TRIM9: variants seen among roughly 807,000 people sequenced by gnomAD.
TRIM9 encodes tripartite motif containing 9.
Under a neutral mutation model 78.3 loss-of-function variants are expected in TRIM9, and 26 were observed. That is an observed-to-expected ratio of 0.33 (90% CI 0.24 to 0.46). The LOEUF (loss-of-function observed/expected upper bound fraction) is 0.46, where lower values mean the gene tolerates loss of function less well. Among genes scored for constraint, TRIM9 ranks in the 20% least tolerant of loss-of-function variants. The pLI is 1.00. For missense variants in TRIM9, 787 were observed against 1,036.4 expected (o/e 0.76, Z 3.30); for synonymous variants, 398 against 416.5 (o/e 0.96, Z 0.54).
intron 3 of TRIM9, among the ~76,000 whole-genome samples, chr14:51,012,595 A>G (rs2056706077): frequency 6.6e-6 from 1 of 152,206 alleles, no homozygotes; most frequent in Non-Finnish European, 1.5e-5. Context: ...TTGCTGGATC[A>G]TGTGGCAATG....
intron 1 of TRIM9, among the ~76,000 whole-genome samples, chr14:51,087,504 A>G (rs974517668): frequency 1.3e-5 from 2 of 152,206 alleles, no homozygotes; most frequent in Non-Finnish European, 2.9e-5. Flanking sequence ...GGCCCAGTTT[A>G]GGGTTGTGAG....
chr14:51,061,229 C>T (rs1341239235), intron 1 of TRIM9, among the ~76,000 whole-genome samples: 1 of 151,760 alleles, frequency 6.6e-6, no homozygotes, highest in Non-Finnish European at 1.5e-5. Flanking sequence ...CCTGGCCAAC[C>T]TAGTGAAACC....
chr14:50,979,282 C>A, intron 12 of TRIM9, 105 bp downstream of exon 12: 3 of 1,595,568 alleles, frequency 1.9e-6, no homozygotes, highest in Non-Finnish European at 2.6e-6. Flanking sequence ...TGGTCTGGGC[C>A]TTACGCTGTC....
chr14:51,048,740 T>C (rs2060148381), intron 1 of TRIM9, among the ~76,000 whole-genome samples: 2 of 151,954 alleles, frequency 1.3e-5, no homozygotes, highest in Admixed American at 1.3e-4. Flanking sequence ...ATCCCAGCAC[T>C]TTGGAAGGCC....
intron 1 of TRIM9, among the ~76,000 whole-genome samples, chr14:51,065,305 G>A (rs2061647888): frequency 6.6e-6 from 1 of 152,216 alleles, no homozygotes; most frequent in African/African-American, 2.4e-5. Context: ...AAAAACTGGT[G>A]TTGAGTACAT....
chr14:51,061,335 C>T (rs979620786), intron 1 of TRIM9, among the ~76,000 whole-genome samples: 3 of 151,420 alleles, frequency 2.0e-5, no homozygotes, highest in Non-Finnish European at 2.9e-5. Context: ...ATCACTTGAA[C>T]CCAGGAGGCG....
At chr14:50,997,489 T>C in intron 7 of TRIM9, 1 of 985,726 alleles carries the variant, frequency 1.0e-6, no homozygotes, top group South Asian at 4.7e-5. Context: ...GCCTCCGCTT[T>C]GGGTATGAAA....
chr14:51,077,188 C>A (rs1197281215), intron 1 of TRIM9, among the ~76,000 whole-genome samples: 2 of 152,152 alleles, frequency 1.3e-5, no homozygotes, highest in South Asian at 2.1e-4. Context: ...AGTTGGCCAA[C>A]AAGCACTGAT....
chr14:51,045,910 A>G (rs940752473), intron 1 of TRIM9, among the ~76,000 whole-genome samples: 26 of 152,326 alleles, frequency 1.7e-4, no homozygotes, highest in Admixed American at 8.5e-4. Context: ...AAATCCAGGA[A>G]TCAACTTCAA....
intron 1 of TRIM9, among the ~76,000 whole-genome samples, chr14:51,073,500 G>T (rs76655218): frequency 6.6e-6 from 1 of 152,190 alleles, no homozygotes; most frequent in Non-Finnish European, 1.5e-5. Context: ...AACAATATAA[G>T]TGGATCCAAA....
At chr14:51,088,294 C>G (rs368621771) in intron 1 of TRIM9, among the ~76,000 whole-genome samples, 2 of 152,096 alleles carry the variant, frequency 1.3e-5, no homozygotes, top group Admixed American at 1.3e-4. Context: ...CAAAGTTAGA[C>G]AAATTTGGAA....
intron 1 of TRIM9, among the ~76,000 whole-genome samples, chr14:51,061,932 G>A (rs1046084809): frequency 4.6e-5 from 7 of 152,086 alleles, no homozygotes; most frequent in Non-Finnish European, 1.0e-4. Context: ...ATGTATGTTA[G>A]GCCATATGAT....
At chr14:51,018,139 G>A (rs190097405) in intron 3 of TRIM9, among the ~76,000 whole-genome samples, 57 of 152,284 alleles carry the variant, frequency 3.7e-4, no homozygotes, top group Non-Finnish European at 6.8e-4. Flanking sequence ...GAATAACTGA[G>A]TTCTTTGTCA....
rs370697124 is a variant in TRIM9, at chr14:51,021,633, T to G, written c.1041+1202A>C. On this transcript the variant is annotated intron_variant, in intron 3 of 12. Transcript: ENST00000684578. ...CATTTCTCCCTTCATCCTAATGCCA[T>G]ATCAACACTGCACACCACATACCCA... is the stretch of plus-strand genomic sequence containing the variant. 3.3e-4 allele frequency among the ~76,000 whole-genome samples: 51 copies of G among 152,304 alleles called. No homozygotes were observed. In the South Asian group the frequency reaches 9.9e-3, roughly 30 times the overall value.
At chr14:51,001,145 A>C (rs143042087) in intron 5 of TRIM9, among the ~76,000 whole-genome samples, 1 of 152,300 alleles carries the variant, frequency 6.6e-6, no homozygotes, top group Non-Finnish European at 1.5e-5. Flanking sequence ...TCCCTAAAGG[A>C]AATGTTTTAC....
chr14:51,056,985 C>T (rs2060943768), intron 1 of TRIM9, among the ~76,000 whole-genome samples: 1 of 152,128 alleles, frequency 6.6e-6, no homozygotes, highest in African/African-American at 2.4e-5. Context: ...TTCTGCCCAT[C>T]AGAAAAAAGA....
chr14:51,048,949 A>C lies in TRIM9; in HGVS notation c.823-23589T>G, dbSNP rs1596264762. Among the ~76,000 whole-genome samples the C allele has an allele frequency of 2.7e-5, 4 of 149,382 alleles. No homozygotes were observed. In the South Asian group the frequency reaches 8.5e-4, roughly 32 times the overall value. On this transcript the variant is annotated intron_variant, in intron 1 of 12. Transcript: ENST00000684578. ...CAGTGAGCCGAGATCGCACCACTGC[A>C]CTCCAGCCTAGGTGACAGCATGAGA...
intron 7 of TRIM9, chr14:50,997,055 A>G: frequency 5.1e-6 from 5 of 985,452 alleles, no homozygotes; most frequent in Non-Finnish European, 6.0e-6. Flanking sequence ...GAACAAAATC[A>G]ACATAATTAG....
intron 5 of TRIM9, among the ~76,000 whole-genome samples, chr14:51,007,800 CAAAAA>C (rs3029461): frequency 3.0e-5 from 4 of 132,838 alleles, no homozygotes; most frequent in Non-Finnish European, 6.5e-5. Flanking sequence ...CATATTAAAC[CAAAAA>C]AAAAAAAAAA....
Sources: allele counts gnomAD v4.1 joint callset (sites outside exome capture counted in the v4.1 genomes callset), GRCh38; gene constraint gnomAD v4.1.1; transcripts MANE v1.5; gene names NCBI Gene and HGNC (gene_info 2026-07-23, HGNC 2026-07-21).